Variants in SEMA5A observed in about 807,000 individuals in gnomAD.
SEMA5A encodes semaphorin 5A, also known as semaphorin-5A.
In SEMA5A, 55 loss-of-function variants were observed where a neutral mutation model predicts 135.5. The observed-to-expected ratio is 0.41, with a 90% confidence interval of 0.33 to 0.51. SEMA5A has a LOEUF of 0.51. SEMA5A is among the 20% of genes least tolerant of loss of function. The pLI, the probability that SEMA5A is intolerant of heterozygous loss-of-function variation, is 0.37. For missense variants in SEMA5A, 1,290 were observed against 1,419.9 expected (o/e 0.91, Z 1.47); for synonymous variants, 580 against 546.5 (o/e 1.06, Z -0.85).
At chr5:9,428,600 T>G (rs1757751293) in intron 2 of SEMA5A, among the ~76,000 whole-genome samples, 1 of 152,208 alleles carries the variant, frequency 6.6e-6, no homozygotes. Context: ...CTCACAGTCT[T>G]TCCTGTCTTT....
In SEMA5A at chr5:9,092,194, T is replaced by A. The variant is rs79897958; in HGVS notation, c.2073+15946A>T. ...CAGGCTTATTGTGAGACAACTAAGC[T>A]GCACTAGATGACTAGACTGGGGTTG... On this transcript the variant is annotated intron_variant, in intron 16 of 22. Transcript: ENST00000382496. 5.5e-3 allele frequency among the ~76,000 whole-genome samples: 842 copies of A among 152,306 alleles called. 11 individuals carry two copies. The highest frequency in any genetic ancestry group is 0.017 in the African/African-American group (723 of 41,572).
At chr5:9,135,859 T>C (rs1276389584) in intron 13 of SEMA5A, among the ~76,000 whole-genome samples, 1 of 152,196 alleles carries the variant, frequency 6.6e-6, no homozygotes. Context: ...AAAAATATTC[T>C]AAGTACTGGT....
chr5:9,253,558 C>A lies in SEMA5A; in HGVS notation c.271-15668G>T, dbSNP rs376048951. On this transcript the variant is annotated intron_variant, in intron 5 of 22. Coordinates refer to ENST00000382496, the MANE Select transcript of SEMA5A (RefSeq NM_003966.3). ...TCAAAGACTTTATCAGTCTTCATAA[C>A]CATTTTGATTGGTCTACCTCCTATG... is the stretch of plus-strand genomic sequence containing the variant. 4.6e-5 allele frequency among the ~76,000 whole-genome samples: 7 copies of A among 152,236 alleles called. No homozygotes were observed. In the East Asian group the frequency reaches 9.6e-4, roughly 21 times the overall value.
At chr5:9,534,907 G>A (rs1197621046) in intron 1 of SEMA5A, among the ~76,000 whole-genome samples, 3 of 152,178 alleles carry the variant, frequency 2.0e-5, no homozygotes, top group African/African-American at 4.8e-5. Flanking sequence ...GGATTTCAAT[G>A]GACAGGGCAC....
At chr5:9,183,365 T>C (rs1744629839) in intron 11 of SEMA5A, among the ~76,000 whole-genome samples, 1 of 152,296 alleles carries the variant, frequency 6.6e-6, no homozygotes, top group African/African-American at 2.4e-5. Flanking sequence ...TTCATCCTCC[T>C]GCACTTCTGG....
chr5:9,414,936 C>A (rs547100150), intron 2 of SEMA5A, among the ~76,000 whole-genome samples: 2 of 152,152 alleles, frequency 1.3e-5, no homozygotes, highest in Admixed American at 6.5e-5. Context: ...ATAGCATGTC[C>A]GCTATAAATA....
intron 5 of SEMA5A, among the ~76,000 whole-genome samples, chr5:9,259,088 C>G (rs1478884782): frequency 6.6e-6 from 1 of 152,172 alleles, no homozygotes; most frequent in Non-Finnish European, 1.5e-5. Context: ...TCCCAAAGTG[C>G]TGGGATTACA....
At chr5:9,339,042 A>G (rs956910421) in intron 3 of SEMA5A, among the ~76,000 whole-genome samples, 2 of 152,196 alleles carry the variant, frequency 1.3e-5, no homozygotes, top group Admixed American at 6.5e-5. Flanking sequence ...AATGTATATG[A>G]TAGCTTGATT....
chr5:9,197,049 A>T (rs116052121), intron 10 of SEMA5A, 119 bp downstream of exon 10: 1 of 1,383,152 alleles, frequency 7.2e-7, no homozygotes, highest in African/African-American at 1.4e-5. Flanking sequence ...ATGAGGGGCC[A>T]GGGAGACAGC....
chr5:9,207,540 G>A (rs184481697), intron 8 of SEMA5A, among the ~76,000 whole-genome samples: 296 of 152,184 alleles, frequency 1.9e-3, no homozygotes, highest in African/African-American at 7.0e-3. Context: ...ATGAGTTAAC[G>A]GAAACAATAT....
chr5:9,470,442 C>T (rs1759435052), intron 1 of SEMA5A, among the ~76,000 whole-genome samples: 1 of 152,120 alleles, frequency 6.6e-6, no homozygotes, highest in Non-Finnish European at 1.5e-5. Flanking sequence ...ATTGAATTTC[C>T]AGCTCATGTG....
chr5:9,452,272 G>A (rs896054632), intron 1 of SEMA5A, among the ~76,000 whole-genome samples: 1 of 152,170 alleles, frequency 6.6e-6, no homozygotes, highest in African/African-American at 2.4e-5. Context: ...ATGGCCAGAG[G>A]GAGCCCCCTT....
chr5:9,352,035 G>T lies in SEMA5A; in HGVS notation c.125-14223C>A, dbSNP rs1471311465. 2.1e-5 allele frequency among the ~76,000 whole-genome samples: 3 copies of T among 144,670 alleles called. No individual in the cohort carries two copies. In the Admixed American group the frequency reaches 2.2e-4, roughly 10 times the overall value. The allele number at this position is 144,670 out of a possible 152,430, so 94.9% of individuals were successfully genotyped here. A position where few individuals can be genotyped will look rare whatever the true frequency, so the allele number is the denominator to read the frequency against. On this transcript the variant is annotated intron_variant, in intron 3 of 22. Transcript: ENST00000382496. ...CATGTTGATATCAGGATTCCATCCT[G>T]TCTGAATTATCTTCCTATGTACTCC...
intron 8 of SEMA5A, among the ~76,000 whole-genome samples, chr5:9,221,939 T>C (rs75071841): frequency 0.028 from 4,235 of 152,186 alleles, 198 homozygotes; most frequent in African/African-American, 0.097. Context: ...ATTACGGAGC[T>C]GACCTGAGGG....
chr5:9,446,095 C>G (rs1342525717), intron 1 of SEMA5A, among the ~76,000 whole-genome samples: 1 of 152,172 alleles, frequency 6.6e-6, no homozygotes, highest in African/African-American at 2.4e-5. Context: ...TTTCTCAAAG[C>G]ATTGACTAAT....
chr5:9,108,111 G>A (rs1293228671), intron 16 of SEMA5A, 29 bp downstream of exon 16: 2 of 1,607,772 alleles, frequency 1.2e-6, no homozygotes, highest in Non-Finnish European at 1.7e-6. Context: ...TCTGGATTGT[G>A]GGCTGGGTGT....
intron 1 of SEMA5A, among the ~76,000 whole-genome samples, chr5:9,527,846 G>T (rs1425947674): frequency 6.6e-6 from 1 of 152,082 alleles, no homozygotes; most frequent in African/African-American, 2.4e-5. Flanking sequence ...CCTGCAACCT[G>T]GATCCAAAAT....
chr5:9,460,374 A>G (rs1759009749), intron 1 of SEMA5A, among the ~76,000 whole-genome samples: 1 of 152,202 alleles, frequency 6.6e-6, no homozygotes, highest in South Asian at 2.1e-4. Context: ...AACAGAAAAT[A>G]TTCAAGAAAA....
At chr5:9,280,109 T>A (rs1453608094) in intron 5 of SEMA5A, among the ~76,000 whole-genome samples, 1 of 152,162 alleles carries the variant, frequency 6.6e-6, no homozygotes, top group Non-Finnish European at 1.5e-5. Flanking sequence ...AGGAATTCCA[T>A]CCTAGGAGTA....
Sources: allele counts gnomAD v4.1 joint callset (sites outside exome capture counted in the v4.1 genomes callset), GRCh38; gene constraint gnomAD v4.1.1; transcripts MANE v1.5; gene names NCBI Gene and HGNC (gene_info 2026-07-23, HGNC 2026-07-21).